APTX: variants seen among roughly 807,000 people sequenced by gnomAD.
APTX encodes the protein aprataxin, also known as forkhead-associated domain histidine triad-like protein.
Under a neutral mutation model 42.3 loss-of-function variants are expected in APTX, and 33 were observed. The observed-to-expected ratio is 0.78, with a 90% CI of 0.59 to 1.04. The LOEUF (loss-of-function observed/expected upper bound fraction) is 1.04. APTX is among the 50% of genes least tolerant of loss of function. The pLI is 0.00. For missense variants in APTX, 421 were observed against 415.1 expected (o/e 1.01, Z -0.12); for synonymous variants, 130 against 146.7 (o/e 0.89, Z 0.82).
intron 1 of APTX, among the ~76,000 whole-genome samples, chr9:33,020,805 C>G (rs987531849): frequency 6.6e-6 from 1 of 152,234 alleles, no homozygotes; most frequent in Non-Finnish European, 1.5e-5. Flanking sequence ...CCATCTCCAG[C>G]TACCTCTATG....
At chr9:32,982,100 C>A (rs761786054) in intron 6 of APTX, among the ~76,000 whole-genome samples, 15 of 152,026 alleles carry the variant, frequency 9.9e-5, no homozygotes, top group Non-Finnish European at 2.2e-4. Flanking sequence ...AACATCATGC[C>A]CCCCCATATG....
At chr9:33,002,352 T>A (rs1357604590), upstream of APTX, among the ~76,000 whole-genome samples, 1 of 152,158 alleles carries the variant, frequency 6.6e-6, no homozygotes, top group Non-Finnish European at 1.5e-5. Flanking sequence ...GGCCCATCTG[T>A]GCACTTCCCT....
At chr9:33,015,334 C>T (rs1030341539) in intron 1 of APTX, among the ~76,000 whole-genome samples, 3 of 152,114 alleles carry the variant, frequency 2.0e-5, no homozygotes, top group African/African-American at 7.2e-5. Context: ...GAAGATCTTG[C>T]ATAAGGGTCA....
chr9:32,998,041 T>A lies in APTX; in HGVS notation c.-5+3526A>T, dbSNP rs530122473. ...TAGAGATGGAGAAGACTGCACAGAT[T>A]TGAGAGATGTTTAGGGGGTAAAACT... is the stretch of plus-strand genomic sequence containing the variant. On this transcript the variant is annotated intron_variant, in intron 1 of 7. Coordinates refer to ENST00000379817, the MANE Select transcript of APTX (RefSeq NM_001195248.2). 2.6e-5 allele frequency among the ~76,000 whole-genome samples: 4 copies of A among 152,166 alleles called. No individual in the cohort carries two copies. The South Asian group carries it at 8.3e-4, about 32-fold the overall frequency.
At chr9:33,012,080 A>G (rs1795989484) in intron 1 of APTX, among the ~76,000 whole-genome samples, 1 of 152,198 alleles carries the variant, frequency 6.6e-6, no homozygotes, top group South Asian at 2.1e-4. Flanking sequence ...TGTCTATGTG[A>G]AAATAATACT....
At chr9:32,990,032 A>C (rs1345540313) in intron 1 of APTX, 137 bp from the exon 2 acceptor site, 1 of 1,039,832 alleles carries the variant, frequency 9.6e-7, no homozygotes, top group Non-Finnish European at 1.4e-6. Flanking sequence ...CCCTAGTCTC[A>C]ATTTCCTCAC....
At chr9:33,004,727 G>A (rs1013934696), upstream of APTX, among the ~76,000 whole-genome samples, 5 of 150,464 alleles carry the variant, frequency 3.3e-5, no homozygotes, top group Non-Finnish European at 5.9e-5. Flanking sequence ...CCACCTCGCG[G>A]CTTAAGGCGA....
At chr9:33,023,244 G>A (rs1000981791) in intron 1 of APTX, among the ~76,000 whole-genome samples, 3 of 150,382 alleles carry the variant, frequency 2.0e-5, no homozygotes, top group African/African-American at 4.9e-5. Flanking sequence ...TCTGAGACTC[G>A]ACAGAGTCTT....
chr9:32,981,114 C>T (rs1191529267), intron 6 of APTX, among the ~76,000 whole-genome samples: 3 of 152,116 alleles, frequency 2.0e-5, no homozygotes, highest in Non-Finnish European at 4.4e-5. Context: ...TGACTAGATA[C>T]GATAAGGCTA....
At chr9:33,022,328 TACTA>T (rs1838452748) in intron 1 of APTX, among the ~76,000 whole-genome samples, 1 of 152,296 alleles carries the variant, frequency 6.6e-6, no homozygotes, top group South Asian at 2.1e-4. Context: ...TGGTTAAACT[TACTA>T]ACAAAGAAAC....
At chr9:32,989,481 C>T (rs990102042) in intron 2 of APTX, 2 of 561,948 alleles carry the variant, frequency 3.6e-6, no homozygotes, top group African/African-American at 3.7e-5. Flanking sequence ...AGCAATGTCC[C>T]TGGGGAAAGG....
chr9:33,004,468 T>A (rs1262197566), upstream of APTX, among the ~76,000 whole-genome samples: 1 of 152,202 alleles, frequency 6.6e-6, no homozygotes, highest in Non-Finnish European at 1.5e-5. Flanking sequence ...CTTCTTTCAA[T>A]TATTTTGAAT....
intron 1 of APTX, among the ~76,000 whole-genome samples, chr9:33,011,645 G>C (rs1837552307): frequency 6.6e-6 from 1 of 152,194 alleles, no homozygotes; most frequent in African/African-American, 2.4e-5. Context: ...ATCTTAAAGA[G>C]AGGGAATGGT....
chr9:33,006,021 CT>C (rs144006152), upstream of APTX, among the ~76,000 whole-genome samples: 909 of 147,612 alleles, frequency 6.2e-3, 8 homozygotes, highest in African/African-American at 0.021. Context: ...GAACTTTATT[CT>C]TTTTTTTTTC....
intron 2 of APTX, 123 bp from the exon 3 acceptor site, chr9:32,988,252 G>A: frequency 1.2e-6 from 1 of 833,180 alleles, no homozygotes; most frequent in Non-Finnish European, 2.1e-6. Flanking sequence ...TTTCCTTAAA[G>A]GCCTATTAGC....
chr9:33,001,737 G>T, upstream of APTX: 2 of 1,230,406 alleles, frequency 1.6e-6, no homozygotes, highest in Non-Finnish European at 1.2e-6. Flanking sequence ...AAAAGCGTCC[G>T]CCCCAATTGG....
chr9:32,984,397 A>G (rs1273513332), intron 6 of APTX, among the ~76,000 whole-genome samples: 3 of 152,214 alleles, frequency 2.0e-5, no homozygotes, highest in South Asian at 4.1e-4. Flanking sequence ...TCGAAGATTT[A>G]TATTTTGAGA....
intron 4 of APTX, among the ~76,000 whole-genome samples, chr9:32,986,531 T>C (rs1333987793): frequency 6.7e-6 from 1 of 149,500 alleles, no homozygotes; most frequent in Non-Finnish European, 1.5e-5. Context: ...AGATGGGGTT[T>C]CGCTCTTGTT....
chr9:32,991,098 A>G (rs780527405), intron 1 of APTX, among the ~76,000 whole-genome samples: 3 of 151,924 alleles, frequency 2.0e-5, no homozygotes, highest in Admixed American at 6.6e-5. Flanking sequence ...AGCTAATTTT[A>G]TATTTTTAGT....
Sources: gnomAD v4.1 joint callset for allele counts (sites outside exome capture counted in the v4.1 genomes callset) on GRCh38, gnomAD v4.1.1 for gene constraint, MANE v1.5 for transcripts, NCBI Gene and HGNC (gene_info 2026-07-23, HGNC 2026-07-21) for gene names.